Variants in CACNA1D observed in about 807,000 individuals in gnomAD.
CACNA1D encodes the protein calcium voltage-gated channel subunit alpha1 D, also known as voltage-dependent L-type calcium channel subunit alpha-1D.
A neutral mutation model predicts 257.1 loss-of-function variants in CACNA1D; 55 were observed. That is an observed-to-expected ratio of 0.21 (90% confidence interval 0.17 to 0.27). CACNA1D has a LOEUF of 0.27. CACNA1D is among the 10% of genes least tolerant of loss of function. The pLI is 1.00. For missense variants in CACNA1D, 1,876 were observed against 2,784.0 expected (o/e 0.67, Z 7.34); for synonymous variants, 980 against 1,014.9 (o/e 0.97, Z 0.65).
chr3:53,599,394 T>C (rs1045930188), intron 3 of CACNA1D, among the ~76,000 whole-genome samples: 2 of 152,216 alleles, frequency 1.3e-5, no homozygotes, highest in Admixed American at 1.3e-4. Context: ...AATTGCTGCA[T>C]TGAAGCATAT....
chr3:53,581,520 T>A (rs1199817184), intron 3 of CACNA1D, among the ~76,000 whole-genome samples: 1 of 152,168 alleles, frequency 6.6e-6, no homozygotes, highest in East Asian at 1.9e-4. Context: ...GATAACCCAT[T>A]CCAGGAAAAG....
At chr3:53,516,579 G>C (rs988635201) in intron 3 of CACNA1D, among the ~76,000 whole-genome samples, 2 of 152,204 alleles carry the variant, frequency 1.3e-5, no homozygotes, top group Non-Finnish European at 2.9e-5. Context: ...CATTTTCAGC[G>C]GCAGGGAGCC....
intron 8 of CACNA1D, among the ~76,000 whole-genome samples, chr3:53,688,238 G>A (rs1299135203): frequency 6.6e-6 from 1 of 152,230 alleles, no homozygotes; most frequent in Non-Finnish European, 1.5e-5. Context: ...GTGAGGCAGT[G>A]ATCTGGCTGC....
chr3:53,689,236 C>T (rs1559518414), intron 8 of CACNA1D, among the ~76,000 whole-genome samples: 1 of 151,994 alleles, frequency 6.6e-6, no homozygotes, highest in Non-Finnish European at 1.5e-5. Context: ...GTGCCTCCTG[C>T]CTGTCGGAAC....
intron 9 of CACNA1D, among the ~76,000 whole-genome samples, chr3:53,712,317 C>T (rs189865577): frequency 3.3e-5 from 5 of 152,322 alleles, no homozygotes; most frequent in Non-Finnish European, 5.9e-5. Context: ...GGACTCCGAC[C>T]CTGCTGGCAC....
chr3:53,604,591 G>A (rs1326572764), intron 3 of CACNA1D, among the ~76,000 whole-genome samples: 1 of 152,174 alleles, frequency 6.6e-6, no homozygotes. Context: ...AGCTGGCTTG[G>A]TTTTGCTGGT....
chr3:53,621,428 G>GA lies in CACNA1D; in HGVS notation c.484-29350dup, dbSNP rs143715472. ...TGCCAATAGTAAGATTAGGGCTGGG[G>GA]ACAGTGGTGGCGAGAGAGTCAAGTG... On this transcript the variant is annotated intron_variant, in intron 3 of 47. Transcript: ENST00000350061. Among the ~76,000 whole-genome samples, 805 of 152,336 alleles carry GA rather than the reference G, an allele frequency of 5.3e-3. 8 individuals carry two copies. The highest frequency in any genetic ancestry group is 0.018 in the African/African-American group (761 of 41,568).
chr3:53,731,592 T>C (rs1314779583), intron 17 of CACNA1D, among the ~76,000 whole-genome samples: 1 of 152,226 alleles, frequency 6.6e-6, no homozygotes, highest in African/African-American at 2.4e-5. Context: ...TTGTTCTTTC[T>C]CTGTTCATCG....
chr3:53,781,782 T>G, intron 39 of CACNA1D, 115 bp downstream of exon 39: 1 of 772,026 alleles, frequency 1.3e-6, no homozygotes, highest in South Asian at 1.4e-5. Context: ...TTTAGAGCAT[T>G]AAGGCCAACT....
chr3:53,770,405 C>T lies in CACNA1D; in HGVS notation c.3916-19C>T, dbSNP rs1397822745. ...TTCTACTTTCCATTGGGTTTGACCTCTCCATGATAACCCTTCAGAACTCTG... is the reference window on the plus strand; with the variant it reads ...TTCTACTTTCCATTGGGTTTGACCTTTCCATGATAACCCTTCAGAACTCTG... On this transcript the variant is annotated intron_variant, in intron 31 of 47. Coordinates refer to ENST00000350061, the MANE Select transcript of CACNA1D (RefSeq NM_001128840.3). The T allele has an allele frequency of 6.2e-7, 1 of 1,613,210 alleles. No homozygotes were observed.
intron 29 of CACNA1D, among the ~76,000 whole-genome samples, chr3:53,760,106 C>T (rs1355290847): frequency 6.6e-6 from 1 of 151,822 alleles, no homozygotes; most frequent in East Asian, 1.9e-4. Flanking sequence ...GATCATAGGG[C>T]GGGGAGAGAG....
At chr3:53,500,698 AC>A (rs1299989085) in intron 2 of CACNA1D, among the ~76,000 whole-genome samples, 4 of 152,148 alleles carry the variant, frequency 2.6e-5, no homozygotes, top group Non-Finnish European at 5.9e-5. Flanking sequence ...AAGGCTGAAA[AC>A]CCAAAGAAGA....
At chr3:53,750,878 G>C (rs2095219659) in intron 27 of CACNA1D, among the ~76,000 whole-genome samples, 1 of 152,118 alleles carries the variant, frequency 6.6e-6, no homozygotes, top group Non-Finnish European at 1.5e-5. Flanking sequence ...GGGGCTAGAG[G>C]TTCCCTCTGG....
At chr3:53,572,353 C>G (rs1253806421) in intron 3 of CACNA1D, among the ~76,000 whole-genome samples, 1 of 148,698 alleles carries the variant, frequency 6.7e-6, no homozygotes, top group Admixed American at 6.8e-5. Flanking sequence ...CCCTCTCTGC[C>G]TCTGGTTTGT....
At chr3:53,658,193 T>G (rs1246214776) in intron 4 of CACNA1D, among the ~76,000 whole-genome samples, 1 of 77,426 alleles carries the variant, frequency 1.3e-5, no homozygotes, top group Non-Finnish European at 2.7e-5. Flanking sequence ...CCCGTGGCAC[T>G]TTTTTTTTTT....
At chr3:53,795,343 G>A (rs1171549872) in intron 40 of CACNA1D, among the ~76,000 whole-genome samples, 1 of 152,204 alleles carries the variant, frequency 6.6e-6, no homozygotes, top group Non-Finnish European at 1.5e-5. Flanking sequence ...CGTGACTATA[G>A]GTGAGTAAGT....
chr3:53,533,409 A>G (rs1276287487), intron 3 of CACNA1D, among the ~76,000 whole-genome samples: 5 of 152,144 alleles, frequency 3.3e-5, no homozygotes, highest in South Asian at 2.1e-4. Context: ...AAAGTTTGGG[A>G]TAGATTTTTG....
intron 45 of CACNA1D, chr3:53,808,338 C>T (rs1410963604): frequency 2.3e-5 from 8 of 346,160 alleles, no homozygotes; most frequent in South Asian, 4.9e-5. Flanking sequence ...GGCGTGAACC[C>T]GGGAGGTGGA....
chr3:53,801,470 C>A, intron 42 of CACNA1D, 45 bp downstream of exon 42: 2 of 1,608,702 alleles, frequency 1.2e-6, no homozygotes, highest in Non-Finnish European at 1.7e-6. Context: ...GGTGTCTGCC[C>A]GTGTTGCGTC....
Sources: allele counts gnomAD v4.1 joint callset (sites outside exome capture counted in the v4.1 genomes callset), GRCh38; gene constraint gnomAD v4.1.1; transcripts MANE v1.5; gene names NCBI Gene and HGNC (gene_info 2026-07-23, HGNC 2026-07-21).